The following ATP11C variants were observed in gnomAD, a reference collection of about 807,000 sequenced individuals.
The protein encoded by ATP11C is phospholipid-transporting ATPase IG.
Under a neutral mutation model 97.4 loss-of-function variants are expected in ATP11C, and 36 were observed. That is an observed-to-expected ratio of 0.37 (90% confidence interval 0.28 to 0.49). The LOEUF (loss-of-function observed/expected upper bound fraction) is 0.49, where lower values mean the gene tolerates loss of function less well. Ranked by LOEUF, ATP11C falls within the 20% of genes least tolerant of loss-of-function variation. The pLI, the probability that ATP11C is intolerant of heterozygous loss-of-function variation, is 0.98. For missense variants in ATP11C, 730 were observed against 824.6 expected, an observed-to-expected ratio of 0.89 and a Z score of 1.40; for synonymous variants, 275 against 290.9, an observed-to-expected ratio of 0.95 and a Z score of 0.56.
intron 25 of ATP11C, among the ~76,000 whole-genome samples, chrX:139,745,287 G>C (rs928511723): frequency 9.0e-6 from 1 of 111,320 alleles, no homozygotes; most frequent in Admixed American, 9.6e-5. Flanking sequence ...AGGGAGAGAA[G>C]AGAATTCCTC....
At chrX:139,806,146 A>G (rs1356879149) in intron 5 of ATP11C, among the ~76,000 whole-genome samples, 3 of 111,631 alleles carry the variant, frequency 2.7e-5, no homozygotes, top group Non-Finnish European at 5.6e-5. Flanking sequence ...AAAGGCCCCT[A>G]TATCTGCAGT....
At chrX:139,782,860 G>A in intron 17 of ATP11C, 132 bp from the exon 18 acceptor site, 1 of 463,485 alleles carries the variant, frequency 2.2e-6, no homozygotes, top group Non-Finnish European at 3.4e-6. Context: ...CTGAAAAAAT[G>A]AAGAAATTAC....
At chrX:139,910,877 A>C (rs1395167297) in intron 1 of ATP11C, among the ~76,000 whole-genome samples, 1 of 111,667 alleles carries the variant, frequency 9.0e-6, no homozygotes, top group Non-Finnish European at 1.9e-5. Flanking sequence ...TTCTGAAAAC[A>C]CAGTCACATA....
chrX:139,830,047 C>A (rs774587156), intron 1 of ATP11C, among the ~76,000 whole-genome samples: 2 of 111,625 alleles, frequency 1.8e-5, no homozygotes, highest in African/African-American at 3.3e-5. Context: ...AAAACAGAGA[C>A]CTCAATACAA....
intron 1 of ATP11C, among the ~76,000 whole-genome samples, chrX:139,921,504 T>C (rs1272706535): frequency 1.8e-5 from 2 of 111,986 alleles, no homozygotes. Context: ...TAAACCTCTT[T>C]CCTTTATAAA....
At chrX:139,928,186 AAT>A (rs2085381784) in intron 1 of ATP11C, among the ~76,000 whole-genome samples, 1 of 111,602 alleles carries the variant, frequency 9.0e-6, no homozygotes, top group Non-Finnish European at 1.9e-5. Flanking sequence ...ATTATAACAC[AAT>A]ATGATTTAAA....
rs2084374556 is a variant in ATP11C at position 139,871,416 on chromosome X, C to T, written c.28-44593G>A. Among the ~76,000 whole-genome samples the T allele has an allele frequency of 4.6e-5, 5 of 108,669 alleles. No homozygotes were observed. The Admixed American group carries it at 5.0e-4, about 11-fold the overall frequency. The allele number at this position is 108,669 out of a possible 115,157, so 94.4% of individuals were successfully genotyped here. ...TAGAGATGGGGTTTCACTATGTTGGCCAGGCTGGTCTCGAACTCCTCACCT... is the reference window on the plus strand; with the variant it reads ...TAGAGATGGGGTTTCACTATGTTGGTCAGGCTGGTCTCGAACTCCTCACCT... On this transcript the variant is annotated intron_variant, in intron 1 of 29. Transcript: ENST00000682941.
chrX:139,884,422 G>A (rs2084607570), intron 1 of ATP11C, among the ~76,000 whole-genome samples: 1 of 111,860 alleles, frequency 8.9e-6, no homozygotes, highest in Admixed American at 9.6e-5. Context: ...AAATAAAAAC[G>A]GCATCTCCAA....
In ATP11C at chrX:139,774,780, T is replaced by C; in HGVS notation, c.2126A>G (p.Glu709Gly). The part of the protein sequence containing the change: ...ELTTKTIEES[E>G]RKEDRLHELL... ...TTCATGTAATCGATCTTCTTTCCTTTCACTTTCTTCAATGGTTTTTGTGGT... is the reference window on the plus strand; with the variant it reads ...TTCATGTAATCGATCTTCTTTCCTTCCACTTTCTTCAATGGTTTTTGTGGT... The change falls in exon 19 of 30, where the codon GAA becomes GGA. Residue 709 changes from glutamate (E) to glycine (G), a missense_variant. By Grantham distance (98) the Glu-to-Gly change is moderately conservative. Coordinates refer to ENST00000682941, the MANE Select transcript of ATP11C (RefSeq NM_001353812.2). The C allele has an allele frequency of 8.3e-7, 1 of 1,211,683 alleles. No individual in the cohort carries two copies. The highest frequency in any genetic ancestry group is 1.8e-5 in the South Asian group (1 of 57,023).
chrX:139,854,553 A>C (rs2084059109), intron 1 of ATP11C, among the ~76,000 whole-genome samples: 1 of 111,668 alleles, frequency 9.0e-6, no homozygotes, highest in African/African-American at 3.3e-5. Flanking sequence ...TGTTTGCAAT[A>C]AGTCAGAAAG....
intron 28 of ATP11C, chrX:139,732,585 C>CAA: frequency 6.3e-6 from 1 of 158,545 alleles, no homozygotes; most frequent in Non-Finnish European, 1.2e-5. Flanking sequence ...AATGCAGAAA[C>CAA]CAAAAAAAAA....
At chrX:139,885,415 A>T (rs2084626053) in intron 1 of ATP11C, 1 of 111,016 alleles carries the variant, frequency 9.0e-6, no homozygotes. Context: ...TTTTTGTTAC[A>T]TTTCCCCCCA....
chrX:139,844,778 G>A (rs1451548013), intron 1 of ATP11C, among the ~76,000 whole-genome samples: 1 of 111,595 alleles, frequency 9.0e-6, no homozygotes, highest in Non-Finnish European at 1.9e-5. Context: ...TAATCCCCAT[G>A]CTAAATTAGG....
chrX:139,787,117 C>T lies in ATP11C; in HGVS notation c.1592+56G>A, dbSNP rs1036647472. 3.9e-5 allele frequency: 47 copies of T among 1,198,949 alleles called. No homozygotes were observed. In the African/African-American group the frequency reaches 7.6e-4, roughly 19 times the overall value. ...TCCTTTGCTGCCCTGCCTGAATCCA[C>T]TTAAATTTGACTATGGGGTTAAGAA... On this transcript the variant is annotated intron_variant, in intron 15 of 29. Transcript: ENST00000682941.
intron 1 of ATP11C, among the ~76,000 whole-genome samples, chrX:139,845,758 A>G (rs1199435650): frequency 8.9e-6 from 1 of 112,250 alleles, no homozygotes; most frequent in Non-Finnish European, 1.9e-5. Flanking sequence ...TTGGCAAAAG[A>G]ACTCTCGCTA....
In ATP11C at chrX:139,787,293, A is replaced by T. The variant is rs1264337038; in HGVS notation, c.1521-49T>A. ...CTTGTGTATCTCTAAAGAATGATTA[A>T]TTTTTTTATTATTATTTTTTTTGAG... On this transcript the variant is annotated intron_variant, in intron 14 of 29. Coordinates refer to ENST00000682941, the MANE Select transcript of ATP11C (RefSeq NM_001353812.2). The T allele has an allele frequency of 7.8e-6, 8 of 1,026,975 alleles. No individual in the cohort carries two copies. The South Asian group carries it at 1.6e-4, about 20-fold the overall frequency. 84.6% of individuals were successfully genotyped at this position (1,026,975 alleles called of 1,213,427 possible).
intron 1 of ATP11C, among the ~76,000 whole-genome samples, chrX:139,843,585 C>T (rs1844160426): frequency 9.0e-6 from 1 of 111,257 alleles, no homozygotes; most frequent in Non-Finnish European, 1.9e-5. Flanking sequence ...TGGCAATTAC[C>T]AGGTTGTTTC....
At chrX:139,770,701 C>T (rs2082236811) in intron 19 of ATP11C, among the ~76,000 whole-genome samples, 1 of 110,778 alleles carries the variant, frequency 9.0e-6, no homozygotes. Flanking sequence ...AGTCTGAACC[C>T]TGTGTAAGTA....
At chrX:139,738,570 T>A (rs887963968) in intron 27 of ATP11C, among the ~76,000 whole-genome samples, 8 of 111,972 alleles carry the variant, frequency 7.1e-5, no homozygotes, top group African/African-American at 2.3e-4. Context: ...ATGGAAGGAA[T>A]CTACCATTGT....
Sources: gnomAD v4.1 joint callset for allele counts (sites outside exome capture counted in the v4.1 genomes callset) on GRCh38, gnomAD v4.1.1 for gene constraint, MANE v1.5 for transcripts, NCBI Gene and HGNC (gene_info 2026-07-23, HGNC 2026-07-21) for gene names.